Variants in FAM153A observed in about 807,000 individuals in gnomAD.
The protein encoded by FAM153A is protein FAM153A.
FAM153A carries 12 observed loss-of-function variants against 48.1 expected under a neutral mutation model. The observed-to-expected ratio is 0.25, with a 90% confidence interval of 0.16 to 0.40. The LOEUF is 0.40. Ranked by LOEUF, FAM153A falls within the 10% of genes least tolerant of loss-of-function variation. The pLI is 1.00. For synonymous variants in FAM153A, 36 were observed against 118.2 expected (o/e 0.30, Z 4.51); for missense variants, 111 against 345.8 (o/e 0.32, Z 5.38).
intron 13 of FAM153A, among the ~76,000 whole-genome samples, 181 bp from the exon 16 acceptor site, chr5:177,734,585 T>A (rs1764385353): frequency 7.2e-6 from 1 of 138,412 alleles, no homozygotes; most frequent in Non-Finnish European, 1.5e-5. Context: ...AGAGGATGTT[T>A]CCTCTGAAGT....
chr5:177,704,791 G>A (rs1321418525), downstream of FAM153A, among the ~76,000 whole-genome samples: 2 of 151,572 alleles, frequency 1.3e-5, no homozygotes, highest in East Asian at 1.9e-4. Context: ...TCTGAGCTCC[G>A]GAGTTCGAGA....
chr5:177,699,506 A>G, the FAM153A span, among the ~76,000 whole-genome samples: 1 of 152,064 alleles, frequency 6.6e-6, no homozygotes, highest in African/African-American at 2.4e-5. Context: ...CAAAATTACT[A>G]AAATTAGGAA....
intron 14 of FAM153A, among the ~76,000 whole-genome samples, 169 bp downstream of exon 16, chr5:177,734,211 G>A (rs918519315): frequency 9.0e-6 from 1 of 110,678 alleles, no homozygotes; most frequent in African/African-American, 3.2e-5. Flanking sequence ...GCAGAATGTG[G>A]CCACTGTTTC....
At chr5:177,713,472 C>T (rs1250184403) in intron 26 of FAM153A, among the ~76,000 whole-genome samples, 8 of 151,042 alleles carry the variant, frequency 5.3e-5, no homozygotes, top group Admixed American at 2.6e-4. Flanking sequence ...TTAGCCAGGA[C>T]GGTCTCGATC....
At chr5:177,753,184 C>T in exon 1 of FAM153A, 4 of 1,611,844 alleles carry the variant, frequency 2.5e-6, no homozygotes, top group South Asian at 2.2e-5. Flanking sequence ...ACCTTCAAGG[C>T]AACAACTATA....
chr5:177,764,238 T>G (rs1582519928), intron 1 of FAM153A, among the ~76,000 whole-genome samples: 1 of 149,056 alleles, frequency 6.7e-6, no homozygotes, highest in East Asian at 2.0e-4. Context: ...CACTTGGGCC[T>G]GTCCCCATGA....
downstream of FAM153A, among the ~76,000 whole-genome samples, chr5:177,708,239 G>T (rs925691624): frequency 4.1e-5 from 6 of 147,914 alleles, no homozygotes; most frequent in African/African-American, 1.5e-4. Flanking sequence ...CTGGTTTCAG[G>T]GTTTGGGAAC....
intron 6 of FAM153A, among the ~76,000 whole-genome samples, chr5:177,743,541 G>C (rs1477047682): frequency 8.0e-6 from 1 of 124,640 alleles, no homozygotes; most frequent in African/African-American, 3.1e-5. Context: ...GGCCTCAATG[G>C]AGAAAGTTGG....
At chr5:177,768,221 G>A (rs1768856835) in intron 1 of FAM153A, among the ~76,000 whole-genome samples, 2 of 143,382 alleles carry the variant, frequency 1.4e-5, no homozygotes, top group Non-Finnish European at 3.0e-5. Context: ...TGGGGGAGGT[G>A]GCACAGAGAT....
the FAM153A span, among the ~76,000 whole-genome samples, chr5:177,702,214 C>T: frequency 5.3e-5 from 8 of 151,770 alleles, 1 homozygote; most frequent in African/African-American, 1.9e-4. Flanking sequence ...GGCCAAAGGT[C>T]ACTTTTGTTA....
chr5:177,698,128 T>G, the FAM153A span, among the ~76,000 whole-genome samples: 1 of 151,578 alleles, frequency 6.6e-6, no homozygotes, highest in Non-Finnish European at 1.5e-5. Context: ...TAGTTCTAGT[T>G]AGTAAGGTGA....
upstream of FAM153A, among the ~76,000 whole-genome samples, chr5:177,757,099 C>A (rs1582494668): frequency 1.4e-5 from 1 of 73,556 alleles, no homozygotes; most frequent in African/African-American, 5.0e-5. Context: ...GCAAGACTAA[C>A]AAGAAAAGAG....
In FAM153A at chr5:177,760,234, C is replaced by CTTTTTTTTTT. The variant is rs1337707844; in HGVS notation, c.-56-11536_-56-11535insAAAAAAAAAA. On this transcript the variant is annotated intron_variant, in intron 1 of 8. Transcript: ENST00000393518. ...TCTCTTAATGCCAAATTGGGAAAGA[C>CTTTTTTTTTT]CTTTTTTTTTTTTTTTTTTTGAGAT... is the stretch of plus-strand genomic sequence containing the variant. 6.2e-5 allele frequency among the ~76,000 whole-genome samples: 6 copies of CTTTTTTTTTT among 96,878 alleles called. 2 individuals are homozygous for CTTTTTTTTTT. The highest frequency in any genetic ancestry group is 8.4e-5 in the African/African-American group (2 of 23,816). The allele number at this position is 96,878 out of a possible 152,430, so 63.6% of individuals were successfully genotyped here.
At chr5:177,754,000 G>A (rs954185593), upstream of FAM153A, among the ~76,000 whole-genome samples, 1 of 151,932 alleles carries the variant, frequency 6.6e-6, no homozygotes, top group Admixed American at 6.5e-5. Flanking sequence ...CAGGACAGTG[G>A]GTGCAGTGCA....
chr5:177,746,856 T>C (rs1275428940), intron 4 of FAM153A, among the ~76,000 whole-genome samples: 1 of 150,698 alleles, frequency 6.6e-6, no homozygotes, highest in East Asian at 2.0e-4. Context: ...GTCTTGGGTA[T>C]GTGTGCTACT....
the FAM153A span, among the ~76,000 whole-genome samples, chr5:177,695,858 C>T: frequency 1.3e-5 from 2 of 149,844 alleles, no homozygotes; most frequent in East Asian, 2.0e-4. Context: ...CAGAGGCACT[C>T]CTCACTTCCC....
At chr5:177,737,246 T>A in intron 10 of FAM153A, 134 bp from the exon 13 acceptor site, 1 of 1,585,744 alleles carries the variant, frequency 6.3e-7, no homozygotes, top group East Asian at 2.3e-5. Flanking sequence ...TGCCAGTCCA[T>A]CCTCCATGGT....
chr5:177,747,009 T>C (rs976135836), intron 4 of FAM153A, among the ~76,000 whole-genome samples: 1 of 137,704 alleles, frequency 7.3e-6, no homozygotes, highest in Admixed American at 7.7e-5. Flanking sequence ...CTCTGTATGT[T>C]TCATATTAAT....
upstream of FAM153A, among the ~76,000 whole-genome samples, chr5:177,755,593 G>A (rs7447435): frequency 0.37 from 56,176 of 151,468 alleles, 10,935 homozygotes; most frequent in Non-Finnish European, 0.42. Context: ...GACAAAGGTC[G>A]GGTTACCCAC....
Sources: gnomAD v4.1 joint callset for allele counts (sites outside exome capture counted in the v4.1 genomes callset) on GRCh38, gnomAD v4.1.1 for gene constraint, MANE v1.5 for transcripts, NCBI Gene and HGNC (gene_info 2026-07-23, HGNC 2026-07-21) for gene names.